The following OR14A16 variants were observed in gnomAD, a reference collection of about 807,000 sequenced individuals.
OR14A16 encodes olfactory receptor family 14 subfamily A member 16.
For missense variants in OR14A16, 341 were observed against 366.5 expected, an observed-to-expected ratio of 0.93 and a Z score of 0.57; for synonymous variants, 135 against 137.6, an observed-to-expected ratio of 0.98 and a Z score of 0.13.
At chr1:247,823,728 T>C (rs189248155) in intron 1 of OR14A16, among the ~76,000 whole-genome samples, 205 of 152,236 alleles carry the variant, frequency 1.3e-3, no homozygotes, top group Non-Finnish European at 2.2e-3. Flanking sequence ...CTGGGAAGGA[T>C]ACGATAAATA....
chr1:247,815,674 T>G lies in OR14A16; in HGVS notation c.56A>C (p.Lys19Thr), dbSNP rs752060227. 6 of 1,611,206 alleles carry G rather than the reference T, an allele frequency of 3.7e-6. No individual in the cohort carries two copies. Among genetic ancestry groups the G allele is most frequent in the Non-Finnish European group, 5.1e-6 (6 of 1,177,774 alleles). Residue 19 changes from lysine (K) to threonine (T), a missense_variant, in exon 3 of 3, where the codon AAA becomes ACA. Lys to Thr is a moderately conservative substitution (Grantham distance 78). Coordinates refer to ENST00000641093, the MANE Select transcript of OR14A16 (RefSeq NM_001001966.2). ...EFILMGFSTNKNMCILHSILF... is the reference protein window; with the variant it reads ...EFILMGFSTNTNMCILHSILF... ...AATCGAATGCAAAATGCACATATTTTTATTGGTAGAAAACCCCATAAGGAT... is the reference window on the plus strand; with the variant it reads ...AATCGAATGCAAAATGCACATATTTGTATTGGTAGAAAACCCCATAAGGAT...
At chr1:247,819,578 T>C (rs940227814) in intron 1 of OR14A16, among the ~76,000 whole-genome samples, 7 of 152,214 alleles carry the variant, frequency 4.6e-5, no homozygotes, top group African/African-American at 1.7e-4. Context: ...TATTTTATTG[T>C]ATATATTTAA....
chr1:247,822,242 T>C (rs1662752240), intron 1 of OR14A16, among the ~76,000 whole-genome samples: 1 of 142,274 alleles, frequency 7.0e-6, no homozygotes, highest in Admixed American at 7.9e-5. Context: ...GAGATTAACA[T>C]GTGAGTCCAT....
chr1:247,818,373 A>G (rs1170585695), intron 2 of OR14A16, among the ~76,000 whole-genome samples: 1 of 152,248 alleles, frequency 6.6e-6, no homozygotes. Flanking sequence ...TGATCCAGCA[A>G]TCCCATTGCT....
chr1:247,817,142 T>C lies in OR14A16; in HGVS notation c.-15-1398A>G, dbSNP rs1328395298. Among the ~76,000 whole-genome samples the C allele has an allele frequency of 2.0e-5, 3 of 151,788 alleles. No homozygotes were observed. In the East Asian group the frequency reaches 5.8e-4, roughly 29 times the overall value. The stretch of plus-strand genomic sequence containing the variant: ...TGTATACATTGACCTTAATGTAAAT[T>C]TAGTAAAATATTAAAACTGTACTTG... On this transcript the variant is annotated intron_variant, in intron 2 of 2. Coordinates refer to ENST00000641093, the MANE Select transcript of OR14A16 (RefSeq NM_001001966.2).
Position 247,822,444 on chromosome 1 carries a change from C to A in OR14A16, c.-131+1509G>T, listed in dbSNP as rs375616883. Among the ~76,000 whole-genome samples, 96 of 152,018 alleles carry A rather than the reference C, an allele frequency of 6.3e-4. 2 individuals carry two copies. The South Asian group carries it at 0.019, about 31-fold the overall frequency. ...TCCTCTGGCCCTCAGACATCAGACTCCAGATTCTTCAGCTTTTGGACTCTG... is the reference window on the plus strand; with the variant it reads ...TCCTCTGGCCCTCAGACATCAGACTACAGATTCTTCAGCTTTTGGACTCTG... On this transcript the variant is annotated intron_variant, in intron 1 of 2. Transcript: ENST00000641093.
Position 247,815,156 on chromosome 1 carries a change from T to C in OR14A16, c.574A>G (p.Ile192Val). 1.2e-6 allele frequency: 2 copies of C among 1,613,420 alleles called. No homozygotes were observed. Among genetic ancestry groups the C allele is most frequent in the Middle Eastern group, 1.7e-4 (1 of 6,056 alleles). The change falls in exon 3 of 3, where the codon ATA becomes GTA. Residue 192 changes from isoleucine to valine, a missense_variant. Transcript: ENST00000641093. ...LLAISCSENL[I>V]REIALILINV... ...ATAAGGATGAGTGCAATTTCTCTTA[T>C]TAAATTTTCTGAGCAAGAAATAGCT...
intron 2 of OR14A16, 85 bp from the exon 3 acceptor site, chr1:247,815,829 A>G (rs933727352): frequency 8.5e-6 from 5 of 590,140 alleles, no homozygotes; most frequent in Non-Finnish European, 1.4e-5. Flanking sequence ...ATTATTTAGC[A>G]TACTGAAACA....
At chr1:247,823,001 T>C (rs374001348) in intron 1 of OR14A16, among the ~76,000 whole-genome samples, 10 of 152,354 alleles carry the variant, frequency 6.6e-5, no homozygotes, top group East Asian at 1.9e-4. Context: ...TTTCAAAATA[T>C]ATAATGTCTG....
In OR14A16 at chr1:247,814,679, A is replaced by T; in HGVS notation, c.*121T>A. 1 of 512,426 alleles carries T rather than the reference A, an allele frequency of 2.0e-6. No individual in the cohort carries two copies. Among genetic ancestry groups the T allele is most frequent in the Non-Finnish European group, 3.1e-6 (1 of 317,644 alleles). The allele number at this position is 512,426 out of a possible 1,614,324, so 31.7% of individuals were successfully genotyped here. ...ATTGCCCAAGGAAATTTTCTAATAA[A>T]ATAATTGCTTTCATTTGTCTTTTTA... On this transcript the variant is annotated 3_prime_UTR_variant, in exon 3 of 3. Coordinates refer to ENST00000641093, the MANE Select transcript of OR14A16 (RefSeq NM_001001966.2).
intron 1 of OR14A16, among the ~76,000 whole-genome samples, chr1:247,823,418 G>A (rs1662779758): frequency 6.6e-6 from 1 of 152,130 alleles, no homozygotes; most frequent in African/African-American, 2.4e-5. Flanking sequence ...GATCCTTTGA[G>A]CCCAGGAGGT....
intron 1 of OR14A16, among the ~76,000 whole-genome samples, chr1:247,819,685 T>TGTGA (rs59515532): frequency 0.84 from 128,191 of 152,054 alleles, 54,177 homozygotes; most frequent in East Asian, 1. Context: ...GCCTTTTGTG[T>TGTGA]GTATTTAGTA....
At chr1:247,821,869 G>A (rs1211348137) in intron 1 of OR14A16, among the ~76,000 whole-genome samples, 1 of 113,584 alleles carries the variant, frequency 8.8e-6, no homozygotes, top group African/African-American at 2.8e-5. Context: ...TTTCTCTAGT[G>A]GTGTGCCTTG....
chr1:247,815,584 A>G lies in OR14A16; in HGVS notation c.146T>C (p.Leu49Ser), dbSNP rs750697533. 3.3e-5 allele frequency: 54 copies of G among 1,613,978 alleles called. No individual in the cohort carries two copies. The highest frequency in any genetic ancestry group is 4.6e-5 in the Non-Finnish European group (54 of 1,179,946). ...CACGGGGGTGTGGAGATGATGGTCC[A>G]AAGTTGTGATCATGATAATGAGGAC... ...GNVLIIMITT[L>S]DHHLHTPVYF... The change falls in exon 3 of 3, where the codon TTG becomes TCG. Residue 49 changes from leucine (L) to serine (S), a missense_variant. Transcript: ENST00000641093.
intron 2 of OR14A16, among the ~76,000 whole-genome samples, chr1:247,818,859 G>A (rs1357438978): frequency 6.6e-6 from 1 of 151,994 alleles, no homozygotes; most frequent in East Asian, 1.9e-4. Flanking sequence ...GAATGGAATT[G>A]GAATGTTCCT....
Position 247,814,815 on chromosome 1 carries a change from C to G in OR14A16, c.915G>C (p.Lys305Asn), listed in dbSNP as rs757324935. Reference sequence around the variant, plus strand: ...GCAACAGCTTTTACTTTTTGGTGAGCTTTCCCTTTATCAACATCCCCAGAG... The same window carrying G: ...GCAACAGCTTTTACTTTTTGGTGAGGTTTCCCTTTATCAACATCCCCAGAG... ...KVALGMLIKG[K>N]LTKK is the part of the protein sequence containing the mutation. The change falls in exon 3 of 3, where the codon AAG becomes AAC. Residue 305 changes from lysine (K) to asparagine (N), a missense_variant. By Grantham distance (94) the Lys-to-Asn change is moderately conservative (BLOSUM62 0). Transcript: ENST00000641093. 2 of 1,558,718 alleles carry G rather than the reference C, an allele frequency of 1.3e-6. No individual in the cohort carries two copies. Among genetic ancestry groups the G allele is most frequent in the East Asian group, 4.5e-5 (2 of 44,308 alleles).
At chr1:247,820,092 TC>T (rs1328668879) in intron 1 of OR14A16, among the ~76,000 whole-genome samples, 9 of 152,222 alleles carry the variant, frequency 5.9e-5, no homozygotes, top group East Asian at 3.9e-4. Flanking sequence ...TGATGAATGA[TC>T]TTTTTAATGT....
intron 1 of OR14A16, among the ~76,000 whole-genome samples, chr1:247,821,717 T>A (rs1299018200): frequency 6.8e-6 from 1 of 146,246 alleles, no homozygotes; most frequent in African/African-American, 2.5e-5. Context: ...GATTGGAACA[T>A]TTAATTCATT....
chr1:247,815,241 G>A lies in OR14A16; in HGVS notation c.489C>T (p.Ser163=), dbSNP rs200138400. ...CCATGTTGGACCCACAGTAGGATAA[G>A]GAGAAGGTGCCAGCTGTGTGCATCA... is the stretch of plus-strand genomic sequence containing the variant. The part of the protein sequence containing the change: ...IAVMHTAGTF[S]LSYCGSNMVH... Residue 163 remains serine (S), a synonymous_variant, in exon 3 of 3, where the codon TCC becomes TCT. Coordinates refer to ENST00000641093, the MANE Select transcript of OR14A16 (RefSeq NM_001001966.2). 2 of 62,736 alleles carry A rather than the reference G, an allele frequency of 3.2e-5. No individual in the cohort carries two copies. The highest frequency in any genetic ancestry group is 5.3e-5 in the Non-Finnish European group (1 of 19,014). 3.9% of individuals were successfully genotyped at this position (62,736 alleles called of 1,614,324 possible). A position where few individuals can be genotyped will look rare whatever the true frequency, so the allele number is the denominator to read the frequency against.
Sources: allele counts gnomAD v4.1 joint callset (sites outside exome capture counted in the v4.1 genomes callset), GRCh38; gene constraint gnomAD v4.1.1; transcripts MANE v1.5; gene names NCBI Gene and HGNC (gene_info 2026-07-23, HGNC 2026-07-21).